The following ZSCAN32 variants were observed in gnomAD, a reference collection of about 807,000 sequenced individuals.
ZSCAN32 encodes zinc finger and SCAN domain containing 32.
Under a neutral mutation model 47.4 loss-of-function variants are expected in ZSCAN32, and 52 were observed. The ratio of observed to expected loss-of-function variants is 1.10; its 90% CI spans 0.88 to 1.38. The LOEUF is 1.38. ZSCAN32 is among the 40% of genes most tolerant of loss of function. ZSCAN32 has a pLI of 0.00. For synonymous variants in ZSCAN32, 346 were observed against 305.7 expected (o/e 1.13, Z -1.38); for missense variants, 959 against 846.0 (o/e 1.13, Z -1.66).
chr16:3,398,850 C>A (rs570214953), intron 1 of ZSCAN32, among the ~76,000 whole-genome samples: 112 of 152,176 alleles, frequency 7.4e-4, no homozygotes, highest in South Asian at 1.2e-3. Flanking sequence ...GGATAAGTGA[C>A]TGTTCGGGTT....
chr16:3,388,058 G>C (rs1260658401), intron 5 of ZSCAN32, among the ~76,000 whole-genome samples: 1 of 152,182 alleles, frequency 6.6e-6, no homozygotes. Flanking sequence ...TATCTATGAA[G>C]GACAGGAGTC....
At chr16:3,399,139 C>T (rs1051510814) in intron 1 of ZSCAN32, among the ~76,000 whole-genome samples, 1 of 152,166 alleles carries the variant, frequency 6.6e-6, no homozygotes, top group African/African-American at 2.4e-5. Flanking sequence ...AGGAGAATCG[C>T]TTGAACCCGG....
At chr16:3,395,534 G>C (rs1322182169) in intron 2 of ZSCAN32, among the ~76,000 whole-genome samples, 1 of 152,118 alleles carries the variant, frequency 6.6e-6, no homozygotes, top group African/African-American at 2.4e-5. Flanking sequence ...CGCCATGACT[G>C]TAAGTTTCCT....
rs987414686 is a variant in ZSCAN32, at chr16:3,384,708, A to G, written c.985T>C (p.Cys329Arg). Residue 329 changes from cysteine (C) to arginine (R), a missense_variant, in exon 6 of 7, where the codon TGT (cysteine) becomes CGT (arginine). Cys to Arg is a radical substitution (Grantham distance 180). Coordinates refer to ENST00000396852, the MANE Select transcript of ZSCAN32 (RefSeq NM_001284527.2). ...KVRRGRVPEP[C>R]IFYEEMNALS... The stretch of plus-strand genomic sequence containing the variant: ...GCATTCATTTCCTCATAAAAGATAC[A>G]AGGCTCAGGCACACGGCCTCTCCTC... The G allele has an allele frequency of 1.8e-5, 29 of 1,613,986 alleles. No individual in the cohort carries two copies. Among genetic ancestry groups the G allele is most frequent in the Non-Finnish European group, 2.2e-5 (26 of 1,180,022 alleles).
At chr16:3,390,315 G>A (rs1414856363) in intron 4 of ZSCAN32, 108 bp downstream of exon 4, 29 of 1,356,096 alleles carry the variant, frequency 2.1e-5, no homozygotes, top group East Asian at 1.0e-4. Context: ...AAAATAACCC[G>A]AGAAGCCCCA....
chr16:3,387,839 G>A (rs1349665564), intron 5 of ZSCAN32, among the ~76,000 whole-genome samples: 2 of 152,154 alleles, frequency 1.3e-5, no homozygotes, highest in African/African-American at 2.4e-5. Context: ...CTTCAAGGAG[G>A]TCACAGTCCT....
intron 1 of ZSCAN32, among the ~76,000 whole-genome samples, chr16:3,400,524 TCACTC>T (rs2033792636): frequency 6.6e-6 from 1 of 152,206 alleles, no homozygotes; most frequent in African/African-American, 2.4e-5. Flanking sequence ...AAATTTTACT[TCACTC>T]TAGCGATGGC....
At chr16:3,394,441 C>G (rs1022527122) in intron 2 of ZSCAN32, among the ~76,000 whole-genome samples, 2 of 152,146 alleles carry the variant, frequency 1.3e-5, no homozygotes, top group African/African-American at 2.4e-5. Flanking sequence ...CCTCTGCCCC[C>G]CAAATCCAGT....
intron 2 of ZSCAN32, among the ~76,000 whole-genome samples, chr16:3,395,052 C>T (rs1029012671): frequency 2.6e-5 from 4 of 152,226 alleles, no homozygotes; most frequent in East Asian, 1.9e-4. Flanking sequence ...CCATGGACCG[C>T]GGGCTCCAGC....
At position 3,397,656 on chromosome 16, in the gene ZSCAN32, A is replaced by C; in HGVS notation, c.-99T>G. ...TGGGAAGCCATGTTCTCCTGCAAGG[A>C]ATGTCTTTCTGTAATCCGTGGGACA... On this transcript the variant is annotated 5_prime_UTR_variant, in exon 2 of 7. In the 5' UTR this introduces an upstream ATG that the reference lacks. Transcript: ENST00000396852. 1 of 1,409,420 alleles carries C rather than the reference A, an allele frequency of 7.1e-7. No homozygotes were observed. The highest frequency in any genetic ancestry group is 9.3e-7 in the Non-Finnish European group (1 of 1,070,710). The allele number at this position is 1,409,420 out of a possible 1,614,324, so 87.3% of individuals were successfully genotyped here.
At chr16:3,389,985 A>C (rs2032477176) in intron 5 of ZSCAN32, 25 bp downstream of exon 5, 1 of 1,590,710 alleles carries the variant, frequency 6.3e-7, no homozygotes, top group Non-Finnish European at 8.6e-7. Context: ...ATCCACCTTG[A>C]CCTGGAGGGA....
rs1261931428 is a variant in ZSCAN32 at position 3,382,155 on chromosome 16, AATT to A, written c.*694_*696del. 3 of 152,240 alleles carry A rather than the reference AATT, an allele frequency of 2.0e-5. No homozygotes were observed. The highest frequency in any genetic ancestry group is 4.4e-5 in the Non-Finnish European group (3 of 68,048). 9.4% of individuals were successfully genotyped at this position (152,240 alleles called of 1,614,324 possible). The stretch of plus-strand genomic sequence containing the variant: ...ATAAATTTGTTTATAGTAGTTTGTA[AATT>A]ATTATCAGAAATAGTAATGTCTATA... On this transcript the variant is annotated 3_prime_UTR_variant, in exon 7 of 7. Coordinates refer to ENST00000396852, the MANE Select transcript of ZSCAN32 (RefSeq NM_001284527.2).
Position 3,397,271 on chromosome 16 carries a change from C to G in ZSCAN32, c.287G>C (p.Trp96Ser). The change falls in exon 2 of 7, where the codon TGG becomes TCG. Residue 96 changes from tryptophan to serine, a missense_variant. By Grantham distance (177) the Trp-to-Ser change is radical. Coordinates refer to ENST00000396852, the MANE Select transcript of ZSCAN32 (RefSeq NM_001284527.2). Reference protein sequence around the residue: ...LTILPEEIQTWVREQHPENGE... With the variant: ...LTILPEEIQTSVREQHPENGE... ...GTTTTCTGGATGCTGCTCCCTCACC[C>G]AGGTCTGGATCTCCTCTGGCAAGAT... 1.3e-6 allele frequency: 2 copies of G among 1,570,492 alleles called. No homozygotes were observed. Among genetic ancestry groups the G allele is most frequent in the Admixed American group, 1.9e-5 (1 of 53,288 alleles).
At chr16:3,393,246 T>TATATATAA in intron 3 of ZSCAN32, among the ~76,000 whole-genome samples, 2 of 18,116 alleles carry the variant, frequency 1.1e-4, no homozygotes, top group African/African-American at 7.9e-4. Context: ...ATATTTTATA[T>TATATATAA]ATATATATAT....
intron 1 of ZSCAN32, 89 bp from the exon 2 acceptor site, chr16:3,397,833 T>TACGG: frequency 3.9e-6 from 1 of 258,640 alleles, no homozygotes; most frequent in Non-Finnish European, 7.3e-6. Context: ...TTTCCTTTAC[T>TACGG]CCCTCCACAA....
intron 3 of ZSCAN32, among the ~76,000 whole-genome samples, 171 bp downstream of exon 3, chr16:3,393,478 G>C (rs970008836): frequency 1.3e-5 from 2 of 150,806 alleles, no homozygotes; most frequent in African/African-American, 4.9e-5. Flanking sequence ...CGCCTGTCTG[G>C]TCTTCCAAGG....
At chr16:3,384,984 C>G (rs759177518) in intron 5 of ZSCAN32, 43 bp from the exon 6 acceptor site, 2 of 1,584,686 alleles carry the variant, frequency 1.3e-6, no homozygotes, top group South Asian at 2.3e-5. Flanking sequence ...TCAGTTAGAT[C>G]ATGGAGGACT....
rs1242520503 is a variant in ZSCAN32 at position 3,390,028 on chromosome 16, CCTT to C, written c.730_732del (p.Lys244del). ...TCCTTACCCAGCGAGACGTGACTGT[CCTT>C]CCTCTGGGTGGCACCCCTGTAGAGG... On this transcript the variant is annotated inframe_deletion, in exon 5 of 7. Coordinates refer to ENST00000396852, the MANE Select transcript of ZSCAN32 (RefSeq NM_001284527.2). 5.0e-6 allele frequency: 8 copies of C among 1,613,040 alleles called. No individual in the cohort carries two copies. The highest frequency in any genetic ancestry group is 6.8e-6 in the Non-Finnish European group (8 of 1,179,584).
Position 3,389,728 on chromosome 16 carries a change from G to A in ZSCAN32, c.751+282C>T, listed in dbSNP as rs540201275. The stretch of plus-strand genomic sequence containing the variant: ...TCCTGGTGGCCACCTGTCTGGCTCC[G>A]GCTCTGGACTACTTGTTCTGACTCT... On this transcript the variant is annotated intron_variant, in intron 5 of 6. Transcript: ENST00000396852. 5.9e-5 allele frequency among the ~76,000 whole-genome samples: 9 copies of A among 152,316 alleles called. No individual in the cohort carries two copies. The South Asian group carries it at 1.2e-3, about 21-fold the overall frequency.
Sources: allele counts gnomAD v4.1 joint callset (sites outside exome capture counted in the v4.1 genomes callset), GRCh38; gene constraint gnomAD v4.1.1; transcripts MANE v1.5; gene names NCBI Gene and HGNC (gene_info 2026-07-23, HGNC 2026-07-21).